OPHN1: variants seen among roughly 807,000 people sequenced by gnomAD.
The protein encoded by OPHN1 is oligophrenin 1, also known as oligophrenin-1.
OPHN1 carries 11 observed loss-of-function variants against 60.7 expected under a neutral mutation model. That is an observed-to-expected ratio of 0.18 (90% CI 0.11 to 0.30). OPHN1 has a LOEUF of 0.30. OPHN1 is among the 10% of genes least tolerant of loss of function. The pLI is 1.00. For synonymous variants in OPHN1, 226 were observed against 222.6 expected, an observed-to-expected ratio of 1.02 and a Z score of -0.14; for missense variants, 449 against 611.0, an observed-to-expected ratio of 0.73 and a Z score of 2.80.
chrX:68,270,948 G>A (rs1408039005), intron 5 of OPHN1, among the ~76,000 whole-genome samples: 4 of 110,820 alleles, frequency 3.6e-5, no homozygotes, highest in Non-Finnish European at 7.5e-5. Flanking sequence ...ACTGAACTTA[G>A]TGTCCCCACC....
intron 15 of OPHN1, among the ~76,000 whole-genome samples, chrX:68,129,290 A>G (rs902003600): frequency 1.8e-5 from 2 of 111,430 alleles, no homozygotes; most frequent in African/African-American, 6.5e-5. Context: ...TAGGGTATGC[A>G]TTAAACTTTG....
At chrX:68,100,359 T>C (rs1427448608) in intron 18 of OPHN1, among the ~76,000 whole-genome samples, 6 of 111,820 alleles carry the variant, frequency 5.4e-5, no homozygotes, top group Admixed American at 9.5e-5. Context: ...TAATGGATAA[T>C]ATTATTACAT....
intron 5 of OPHN1, among the ~76,000 whole-genome samples, chrX:68,266,731 G>A (rs1348387617): frequency 9.0e-6 from 1 of 111,303 alleles, no homozygotes; most frequent in Non-Finnish European, 1.9e-5. Context: ...ACACAGACTG[G>A]CAAATTGGAT....
At chrX:68,432,794 CT>C in intron 2 of OPHN1, 72 bp downstream of exon 2, 1 of 1,114,679 alleles carries the variant, frequency 9.0e-7, no homozygotes, top group Admixed American at 2.2e-5. Flanking sequence ...CTCCCTTCCC[CT>C]GGTGGTGTGG....
intron 2 of OPHN1, among the ~76,000 whole-genome samples, chrX:68,393,368 G>A (rs750597776): frequency 1.3e-3 from 142 of 111,944 alleles, no homozygotes; most frequent in Non-Finnish European, 1.1e-3. Context: ...ACAGCTCAGT[G>A]CACCCTCAAA....
intron 21 of OPHN1, among the ~76,000 whole-genome samples, chrX:68,057,479 A>G (rs1427124092): frequency 9.0e-6 from 1 of 111,423 alleles, no homozygotes; most frequent in Non-Finnish European, 1.9e-5. Flanking sequence ...GGACTGTTAG[A>G]GCTGGAAAAC....
intron 20 of OPHN1, 36 bp downstream of exon 20, chrX:68,073,116 A>C (rs1175043467): frequency 8.4e-7 from 1 of 1,185,822 alleles, no homozygotes; most frequent in Non-Finnish European, 1.1e-6. Context: ...GTGTCTAATC[A>C]CCATTCAGAA....
intron 18 of OPHN1, among the ~76,000 whole-genome samples, chrX:68,107,727 C>T (rs889043603): frequency 9.0e-6 from 1 of 111,568 alleles, no homozygotes; most frequent in African/African-American, 3.3e-5. Flanking sequence ...CCACCCGCCT[C>T]GGCCTCCCAA....
intron 19 of OPHN1, among the ~76,000 whole-genome samples, chrX:68,081,462 G>A: frequency 9.0e-6 from 1 of 111,592 alleles, no homozygotes; most frequent in Middle Eastern, 4.6e-3. Context: ...GTTGAATGAG[G>A]TAACATACAG....
intron 20 of OPHN1, chrX:68,071,297 C>T: frequency 1.3e-6 from 1 of 756,143 alleles, no homozygotes; most frequent in Non-Finnish European, 2.1e-6. Flanking sequence ...TTGACATGCA[C>T]ATTCCCTAGC....
intron 18 of OPHN1, among the ~76,000 whole-genome samples, chrX:68,098,375 G>T (rs1439596820): frequency 9.0e-6 from 1 of 111,569 alleles, no homozygotes; most frequent in Non-Finnish European, 1.9e-5. Flanking sequence ...AGTCCTGGAG[G>T]CAGCCAAGTA....
intron 10 of OPHN1, 110 bp from the exon 11 acceptor site, chrX:68,201,820 A>G (rs2077536705): frequency 1.7e-6 from 1 of 592,358 alleles, no homozygotes; most frequent in Non-Finnish European, 2.9e-6. Flanking sequence ...TCAAGGCAGC[A>G]GGAGCAATGT....
At chrX:68,127,016 C>T (rs1022659298) in intron 15 of OPHN1, among the ~76,000 whole-genome samples, 1 of 111,895 alleles carries the variant, frequency 8.9e-6, no homozygotes, top group Non-Finnish European at 1.9e-5. Flanking sequence ...GTCTATAAAC[C>T]AACCAAAAGA....
intron 20 of OPHN1, 80 bp downstream of exon 20, chrX:68,073,072 C>T (rs1297729877): frequency 2.8e-6 from 3 of 1,066,349 alleles, no homozygotes; most frequent in Non-Finnish European, 3.8e-6. Context: ...GAAAAATGGT[C>T]ATGCCACCGC....
chrX:68,168,854 C>A (rs1232348279), intron 15 of OPHN1, among the ~76,000 whole-genome samples: 1 of 111,165 alleles, frequency 9.0e-6, no homozygotes, highest in Non-Finnish European at 1.9e-5. Context: ...TACAAACTAC[C>A]ATCAGAGAAT....
At chrX:68,364,239 C>T (rs2078487758) in intron 2 of OPHN1, among the ~76,000 whole-genome samples, 2 of 112,054 alleles carry the variant, frequency 1.8e-5, no homozygotes, top group South Asian at 3.7e-4. Flanking sequence ...TTCAGCCCAA[C>T]AGCAAGTGTC....
At chrX:68,286,195 C>T (rs776547646) in intron 3 of OPHN1, among the ~76,000 whole-genome samples, 27 of 111,628 alleles carry the variant, frequency 2.4e-4, no homozygotes, top group Non-Finnish European at 4.9e-4. Context: ...CTTGTGGTTG[C>T]TTGTTGTTAC....
chrX:68,277,233 C>T (rs1265868797), intron 4 of OPHN1, among the ~76,000 whole-genome samples: 1 of 111,170 alleles, frequency 9.0e-6, no homozygotes, highest in East Asian at 2.9e-4. Flanking sequence ...AAACAGCATG[C>T]AACCTAGATC....
chrX:68,144,212 T>A (rs1176825307), intron 15 of OPHN1, among the ~76,000 whole-genome samples: 1 of 109,840 alleles, frequency 9.1e-6, no homozygotes, highest in East Asian at 2.9e-4. Context: ...ATTTTTTTGG[T>A]AGAGACCGGG....
Sources: gnomAD v4.1 joint callset for allele counts (sites outside exome capture counted in the v4.1 genomes callset) on GRCh38, gnomAD v4.1.1 for gene constraint, MANE v1.5 for transcripts, NCBI Gene and HGNC (gene_info 2026-07-23, HGNC 2026-07-21) for gene names.